The following H3-3A variants were observed in gnomAD, a reference collection of about 807,000 sequenced individuals.
H3-3A encodes histone H3.3.
For synonymous variants in H3-3A, 49 were observed against 61.4 expected, an observed-to-expected ratio of 0.80 and a Z score of 0.95; for missense variants, 7 against 184.0, an observed-to-expected ratio of 0.04 and a Z score of 5.57.
rs1474609114 is a variant in H3-3A, at chr1:226,064,274, A to G, written c.-23-55A>G. On this transcript the variant is annotated intron_variant, in intron 1 of 3. Transcript: ENST00000366815. Reference sequence around the variant, plus strand: ...GGGGAGGGGGTGATCGTGGCAGGAAAAGTTGTATGTTTGGTAGTTGCATAT... The same window carrying G: ...GGGGAGGGGGTGATCGTGGCAGGAAGAGTTGTATGTTTGGTAGTTGCATAT... 24 of 1,292,234 alleles carry G rather than the reference A, an allele frequency of 1.9e-5. No homozygotes were observed. The East Asian group carries it at 5.2e-4, about 28-fold the overall frequency. The allele number at this position is 1,292,234 out of a possible 1,614,324, so 80.0% of individuals were successfully genotyped here.
At chr1:226,065,395 C>T (rs1235433581) in intron 2 of H3-3A, among the ~76,000 whole-genome samples, 3 of 152,146 alleles carry the variant, frequency 2.0e-5, no homozygotes, top group South Asian at 2.1e-4. Flanking sequence ...ACATGAATAA[C>T]TTTTTAAAAT....
chr1:226,069,978 G>GTGT (rs1553261113), intron 3 of H3-3A, among the ~76,000 whole-genome samples: 3 of 150,116 alleles, frequency 2.0e-5, no homozygotes, highest in Non-Finnish European at 4.4e-5. Flanking sequence ...CACAAGTTAA[G>GTGT]TGTCAATGAG....
upstream of H3-3A, chr1:226,062,194 T>C (rs1657727809): frequency 6.6e-6 from 1 of 151,150 alleles, no homozygotes; most frequent in Non-Finnish European, 1.5e-5. Flanking sequence ...CGCGTCCTCC[T>C]CCCCCACTGC....
intron 2 of H3-3A, 35 bp from the exon 3 acceptor site, chr1:226,065,621 T>G (rs748593186): frequency 6.7e-7 from 1 of 1,493,710 alleles, no homozygotes. Flanking sequence ...GCTAGTTATG[T>G]TTTTGGTAAC....
upstream of H3-3A, among the ~76,000 whole-genome samples, chr1:226,062,452 C>A (rs994172466): frequency 2.7e-5 from 4 of 150,644 alleles, no homozygotes; most frequent in African/African-American, 9.7e-5. Context: ...GGGCGGCAGT[C>A]TCGGCGGGAG....
intron 3 of H3-3A, chr1:226,066,985 A>AC (rs1052602341): frequency 6.6e-6 from 1 of 152,178 alleles, no homozygotes; most frequent in Non-Finnish European, 1.5e-5. Context: ...CAACTACTAA[A>AC]ATCTTCCATG....
At chr1:226,071,156 T>A (rs1369524671) in intron 3 of H3-3A, among the ~76,000 whole-genome samples, 195 bp from the exon 4 acceptor site, 1 of 152,234 alleles carries the variant, frequency 6.6e-6, no homozygotes, top group Non-Finnish European at 1.5e-5. Context: ...TGACTTAAGC[T>A]TTTGTTTTTT....
At chr1:226,067,933 C>A (rs1400152642) in intron 3 of H3-3A, among the ~76,000 whole-genome samples, 1 of 152,152 alleles carries the variant, frequency 6.6e-6, no homozygotes, top group East Asian at 1.9e-4. Flanking sequence ...CATAGATAAT[C>A]AATAATTGAC....
chr1:226,065,153 G>A (rs6702795), intron 2 of H3-3A, among the ~76,000 whole-genome samples: 4,601 of 152,326 alleles, frequency 0.03, 104 homozygotes, highest in Non-Finnish European at 0.048. Context: ...ACAATCGGGT[G>A]TATTCAAATT....
At chr1:226,065,095 T>C (rs1657880750) in intron 2 of H3-3A, among the ~76,000 whole-genome samples, 1 of 152,228 alleles carries the variant, frequency 6.6e-6, no homozygotes, top group Admixed American at 6.5e-5. Context: ...AATTTCTTGC[T>C]GACAATTACT....
At chr1:226,070,076 CG>C (rs1558102951) in intron 3 of H3-3A, among the ~76,000 whole-genome samples, 2 of 152,040 alleles carry the variant, frequency 1.3e-5, no homozygotes, top group African/African-American at 4.8e-5. Flanking sequence ...CCAGAGAAAT[CG>C]ATACTAGTAC....
At chr1:226,069,283 G>A (rs552011089) in intron 3 of H3-3A, among the ~76,000 whole-genome samples, 1 of 152,268 alleles carries the variant, frequency 6.6e-6, no homozygotes, top group African/African-American at 2.4e-5. Flanking sequence ...CTGACCTCGG[G>A]TGATCTGCCT....
intron 3 of H3-3A, among the ~76,000 whole-genome samples, chr1:226,067,743 CAAAAA>C (rs4012724): frequency 6.8e-6 from 1 of 146,224 alleles, no homozygotes; most frequent in South Asian, 2.2e-4. Context: ...ACTCTTGTCT[CAAAAA>C]AAAAAAAAAG....
chr1:226,071,434 A>C lies in H3-3A; in HGVS notation c.366A>C (p.Pro122=). ...ATGCCAAACGTGTAACAATTATGCC[A>C]AAAGACATCCAGCTAGCACGCCGCA... The part of the protein sequence containing the change: ...AIHAKRVTIM[P]KDIQLARRIR... The change falls in exon 4 of 4, where the codon CCA becomes CCC. Residue 122 remains proline (P), a synonymous_variant. Coordinates refer to ENST00000366815, the MANE Select transcript of H3-3A (RefSeq NM_002107.7). 8.1e-7 allele frequency: 1 copy of C among 1,236,820 alleles called. No individual in the cohort carries two copies. The highest frequency in any genetic ancestry group is 1.2e-6 in the Non-Finnish European group (1 of 848,304). 76.6% of individuals were successfully genotyped at this position (1,236,820 alleles called of 1,614,324 possible).
chr1:226,065,641 A>T lies in H3-3A; in HGVS notation c.129-15A>T. The T allele has an allele frequency of 6.6e-7, 1 of 1,525,756 alleles. No individual in the cohort carries two copies. The highest frequency in any genetic ancestry group is 8.8e-7 in the Non-Finnish European group (1 of 1,130,650). 94.5% of individuals were successfully genotyped at this position (1,525,756 alleles called of 1,614,324 possible). A position where few individuals can be genotyped will look rare whatever the true frequency, so the allele number is the denominator to read the frequency against. On this transcript the variant is annotated splice_polypyrimidine_tract_variant and intron_variant, in intron 2 of 3. Transcript: ENST00000366815. The stretch of plus-strand genomic sequence containing the variant: ...TTATGTTTTTGGTAACAGTTTCTTT[A>T]TTAATTTTTTAAAGGCCTGGTACTG...
intron 3 of H3-3A, among the ~76,000 whole-genome samples, chr1:226,068,767 A>G (rs1478528803): frequency 1.3e-5 from 2 of 152,220 alleles, no homozygotes; most frequent in African/African-American, 4.8e-5. Flanking sequence ...CAAGTAACTT[A>G]AGGGCACCAA....
At chr1:226,064,583 T>C (rs1008912788) in intron 2 of H3-3A, 104 bp downstream of exon 2, 2 of 697,388 alleles carry the variant, frequency 2.9e-6, no homozygotes, top group Non-Finnish European at 4.4e-6. Context: ...TTAGAGAAAC[T>C]TTTTTTTTTC....
chr1:226,069,925 A>G (rs2102740930), intron 3 of H3-3A, among the ~76,000 whole-genome samples: 1 of 152,330 alleles, frequency 6.6e-6, no homozygotes, highest in African/African-American at 2.4e-5. Context: ...TAAGAATTTG[A>G]GTTATGAGTT....
intron 3 of H3-3A, 169 bp downstream of exon 3, chr1:226,065,978 C>T (rs1468675822): frequency 9.4e-6 from 6 of 639,658 alleles, no homozygotes; most frequent in Admixed American, 5.4e-5. Context: ...AGGTCATACA[C>T]GTAGAAAATG....
Sources: gnomAD v4.1 joint callset for allele counts (sites outside exome capture counted in the v4.1 genomes callset) on GRCh38, gnomAD v4.1.1 for gene constraint, MANE v1.5 for transcripts, NCBI Gene and HGNC (gene_info 2026-07-23, HGNC 2026-07-21) for gene names.